SORBS2: variants seen among roughly 807,000 people sequenced by gnomAD.
SORBS2 encodes the protein sorbin and SH3 domain-containing protein 2.
SORBS2 carries 46 observed loss-of-function variants against 97.7 expected under a neutral mutation model. The ratio of observed to expected loss-of-function variants is 0.47; its 90% CI spans 0.37 to 0.60. The LOEUF is 0.60. Among genes scored for constraint, SORBS2 ranks in the 20% least tolerant of loss-of-function variants. The pLI is 0.00. For synonymous variants in SORBS2, 476 were observed against 473.4 expected (o/e 1.01, Z -0.07); for missense variants, 1,316 against 1,282.3 (o/e 1.03, Z -0.40).
Position 185,632,860 on chromosome 4 carries a change from C to T in SORBS2, c.397-2262G>A, listed in dbSNP as rs183428997. Among the ~76,000 whole-genome samples, 24 of 152,210 alleles carry T rather than the reference C, an allele frequency of 1.6e-4. No homozygotes were observed. In the South Asian group the frequency reaches 2.1e-3, roughly 13 times the overall value. On this transcript the variant is annotated intron_variant, in intron 4 of 14. Transcript: ENST00000418609. ...TCAAAATAAATGAAAACCAGTTTTG[C>T]GGTTTCATGTACACTCAGAGAAAGT...
Position 185,607,165 on chromosome 4 carries a change from C to A in SORBS2, c.2796+4615G>T. 1 of 1,118,252 alleles carries A rather than the reference C, an allele frequency of 8.9e-7. No homozygotes were observed. Among genetic ancestry groups the A allele is most frequent in the Non-Finnish European group, 1.1e-6 (1 of 906,008 alleles). 69.3% of individuals were successfully genotyped at this position (1,118,252 alleles called of 1,614,324 possible). A position where few individuals can be genotyped will look rare whatever the true frequency, so the allele number is the denominator to read the frequency against. On this transcript the variant is annotated intron_variant, in intron 12 of 14. Transcript: ENST00000418609. The surrounding 1 kb of genome is among the most constrained non-coding windows in gnomAD (Gnocchi z 5.2). ...TTGGTCAGCTGACAAGGTTAAAGCA[C>A]CAAGCTTCTCCAATTCACCCAAGAA... is the stretch of plus-strand genomic sequence containing the variant.
chr4:185,929,426 AG>A (rs2099265332), intron 1 of SORBS2, among the ~76,000 whole-genome samples: 5 of 152,178 alleles, frequency 3.3e-5, no homozygotes, highest in African/African-American at 7.2e-5. Flanking sequence ...TTTATAATTG[AG>A]TTTAAAGCAG....
intron 3 of SORBS2, among the ~76,000 whole-genome samples, chr4:185,647,993 A>C (rs1451238507): frequency 6.6e-6 from 1 of 152,216 alleles, no homozygotes; most frequent in Non-Finnish European, 1.5e-5. Context: ...ACTGTTTCTC[A>C]ATTTTAAGGC....
exon 2 of SORBS2, chr4:185,775,271 G>A (rs951189830): frequency 6.6e-6 from 1 of 152,626 alleles, no homozygotes; most frequent in Admixed American, 6.5e-5. Context: ...AGAGGAAGTA[G>A]GAGTCAGTGG....
intron 2 of SORBS2, among the ~76,000 whole-genome samples, chr4:185,723,574 T>C (rs2098533278): frequency 6.6e-6 from 1 of 152,208 alleles, no homozygotes; most frequent in African/African-American, 2.4e-5. Context: ...GTAGTCTGAG[T>C]CTTATTCTAT....
At chr4:185,754,540 A>G (rs1010390820) in intron 2 of SORBS2, among the ~76,000 whole-genome samples, 10 of 152,194 alleles carry the variant, frequency 6.6e-5, no homozygotes. Flanking sequence ...TAATCACTAA[A>G]TCTACTAAGG....
At chr4:185,938,200 G>T (rs116161932) in intron 1 of SORBS2, among the ~76,000 whole-genome samples, 2,210 of 151,762 alleles carry the variant, frequency 0.015, 35 homozygotes, top group African/African-American at 0.05. Flanking sequence ...GCTTCACCAG[G>T]TTGGCCAGGC....
chr4:185,652,565 G>T, intron 2 of SORBS2, 97 bp downstream of exon 10: 1 of 930,074 alleles, frequency 1.1e-6, no homozygotes, highest in Non-Finnish European at 1.8e-6. Flanking sequence ...AGTTTGCTGG[G>T]GTCTTGACAT....
At chr4:185,783,338 A>G (rs2153637228) in intron 1 of SORBS2, among the ~76,000 whole-genome samples, 1 of 152,292 alleles carries the variant, frequency 6.6e-6, no homozygotes, top group East Asian at 1.9e-4. Context: ...CTCTACTTCT[A>G]CTTCTGTGTT....
chr4:185,845,758 G>A (rs2099214187), intron 1 of SORBS2, among the ~76,000 whole-genome samples: 1 of 152,158 alleles, frequency 6.6e-6, no homozygotes, highest in Non-Finnish European at 1.5e-5. Context: ...CAAAAGTTTT[G>A]AACAGGTACT....
intron 1 of SORBS2, among the ~76,000 whole-genome samples, chr4:185,898,067 G>T (rs1190291374): frequency 6.6e-6 from 1 of 152,174 alleles, no homozygotes; most frequent in Non-Finnish European, 1.5e-5. Flanking sequence ...GAGTTGGATA[G>T]CTCCACAGCA....
chr4:185,829,331 G>A (rs1216417802), intron 1 of SORBS2, among the ~76,000 whole-genome samples: 1 of 152,106 alleles, frequency 6.6e-6, no homozygotes, highest in Admixed American at 6.5e-5. Context: ...TAATGCAGCT[G>A]GCTTTTTTGA....
At chr4:185,890,482 G>T (rs2099241918) in intron 1 of SORBS2, among the ~76,000 whole-genome samples, 1 of 152,146 alleles carries the variant, frequency 6.6e-6, no homozygotes, top group Non-Finnish European at 1.5e-5. Context: ...GCCAGGATTA[G>T]AACTGTGTGT....
intron 1 of SORBS2, among the ~76,000 whole-genome samples, chr4:185,817,674 A>G (rs1487173169): frequency 6.6e-6 from 1 of 152,266 alleles, no homozygotes; most frequent in Admixed American, 6.5e-5. Context: ...CACCAGGCTC[A>G]GCAAACAAAA....
chr4:185,691,723 T>C (rs2098098642), intron 2 of SORBS2, among the ~76,000 whole-genome samples: 1 of 152,174 alleles, frequency 6.6e-6, no homozygotes, highest in Non-Finnish European at 1.5e-5. Context: ...CTAGAAACGG[T>C]TGGCAGAAAG....
intron 1 of SORBS2, among the ~76,000 whole-genome samples, chr4:185,793,103 C>G (rs995794400): frequency 1.3e-5 from 2 of 152,222 alleles, no homozygotes; most frequent in African/African-American, 4.8e-5. Context: ...TGTTATTTTA[C>G]TTTCTTAACT....
chr4:185,705,010 C>G (rs1252537286), intron 2 of SORBS2, among the ~76,000 whole-genome samples: 1 of 152,156 alleles, frequency 6.6e-6, no homozygotes, highest in Non-Finnish European at 1.5e-5. Flanking sequence ...GGCAGCATGG[C>G]AGATAAACGT....
intron 13 of SORBS2, among the ~76,000 whole-genome samples, chr4:185,592,480 T>A (rs2095972265): frequency 6.6e-6 from 1 of 152,178 alleles, no homozygotes; most frequent in Non-Finnish European, 1.5e-5. Flanking sequence ...CTTATCATCG[T>A]TTGGGTAAAT....
chr4:185,938,383 G>GACAC (rs1445864893), intron 1 of SORBS2, among the ~76,000 whole-genome samples: 5 of 91,396 alleles, frequency 5.5e-5, no homozygotes, highest in African/African-American at 1.7e-4. Flanking sequence ...GAAAAATGTA[G>GACAC]ACACATACAC....
Sources: gnomAD v4.1 joint callset for allele counts (sites outside exome capture counted in the v4.1 genomes callset) on GRCh38, gnomAD v4.1.1 for gene constraint, Gnocchi (gnomAD v3.1) non-coding constraint, MANE v1.5 for transcripts, NCBI Gene and HGNC (gene_info 2026-07-23, HGNC 2026-07-21) for gene names.